UROS: variants seen among roughly 807,000 people sequenced by gnomAD.
UROS encodes the protein uroporphyrinogen III synthase, also known as uroporphyrinogen-III synthase.
UROS carries 18 observed loss-of-function variants against 33.0 expected under a neutral mutation model. The observed-to-expected ratio is 0.55, with a 90% confidence interval of 0.38 to 0.81. The LOEUF (loss-of-function observed/expected upper bound fraction) is 0.81. Among genes scored for constraint, UROS ranks in the 30% least tolerant of loss-of-function variants. The pLI, the probability that UROS is intolerant of heterozygous loss-of-function variation, is 0.00. For missense variants in UROS, 293 were observed against 314.9 expected (o/e 0.93, Z 0.53); for synonymous variants, 114 against 121.1 (o/e 0.94, Z 0.38).
intron 4 of UROS, 127 bp downstream of exon 4, chr10:125,814,907 C>G: frequency 9.4e-7 from 1 of 1,069,068 alleles, no homozygotes; most frequent in Non-Finnish European, 1.4e-6. Flanking sequence ...AAGGCAGAGT[C>G]TGTGACCTGA....
At chr10:125,820,298 G>A (rs1853760702) in intron 1 of UROS, among the ~76,000 whole-genome samples, 1 of 152,188 alleles carries the variant, frequency 6.6e-6, no homozygotes, top group Non-Finnish European at 1.5e-5. Flanking sequence ...GAAGGCCTGA[G>A]AGCCAAGGGT....
downstream of UROS, among the ~76,000 whole-genome samples, chr10:125,787,743 C>A (rs2133794171): frequency 6.6e-6 from 1 of 152,292 alleles, no homozygotes; most frequent in South Asian, 2.1e-4. Context: ...ATGGAACCAT[C>A]ACCATAATCC....
chr10:125,795,258 C>A, intron 8 of UROS: 1 of 478,574 alleles, frequency 2.1e-6, no homozygotes, highest in South Asian at 2.0e-5. Context: ...ATGTGCCCAG[C>A]AGCCTAGACA....
chr10:125,809,954 C>T (rs1292621863), intron 5 of UROS, among the ~76,000 whole-genome samples: 2 of 152,220 alleles, frequency 1.3e-5, no homozygotes, highest in African/African-American at 4.8e-5. Context: ...CTGGCATCTT[C>T]TCTCACTGGA....
chr10:125,819,797 G>A (rs1853693978), intron 1 of UROS: 1 of 152,610 alleles, frequency 6.6e-6, no homozygotes, highest in African/African-American at 2.4e-5. Flanking sequence ...TTCCCATTGA[G>A]GGGGAAAAAG....
intron 7 of UROS, among the ~76,000 whole-genome samples, chr10:125,796,606 T>C (rs1453219076): frequency 6.6e-6 from 1 of 152,212 alleles, no homozygotes; most frequent in Admixed American, 6.5e-5. Context: ...GATCCCCGGC[T>C]GCACTCCAGC....
chr10:125,795,827 G>T, intron 8 of UROS, among the ~76,000 whole-genome samples: 1 of 152,192 alleles, frequency 6.6e-6, no homozygotes, highest in East Asian at 1.9e-4. Context: ...TCTCCAAAGA[G>T]GGAGATTTCA....
intron 1 of UROS, among the ~76,000 whole-genome samples, chr10:125,818,751 T>C (rs1235063212): frequency 6.6e-6 from 1 of 152,146 alleles, no homozygotes; most frequent in Non-Finnish European, 1.5e-5. Flanking sequence ...TCCTGTACAT[T>C]GGAAAGGGGC....
chr10:125,815,130 G>A lies in UROS; in HGVS notation c.148C>T (p.Leu50Phe), dbSNP rs1590001317. 6.2e-7 allele frequency: 1 copy of A among 1,614,128 alleles called. No individual in the cohort carries two copies. Among genetic ancestry groups the A allele is most frequent in the East Asian group, 2.2e-5 (1 of 44,892 alleles). The change falls in exon 4 of 10, where the codon CTT becomes TTT. Residue 50 changes from leucine (L) to phenylalanine (F), a missense_variant and splice_region_variant. Physicochemically the swap from Leu to Phe is conservative, Grantham distance 22. Transcript: ENST00000368797. ...FLSLPSFSEK[L>F]SHPEDYGGLI... ...CCCCCGTAATCTTCAGGATGAGAAA[G>A]CTGCACACCAAAAAGCAATAAAGAC... is the stretch of plus-strand genomic sequence containing the variant.
chr10:125,809,471 T>C (rs1206870050), intron 5 of UROS, among the ~76,000 whole-genome samples: 1 of 152,254 alleles, frequency 6.6e-6, no homozygotes, highest in Non-Finnish European at 1.5e-5. Flanking sequence ...GGAGATTTTA[T>C]GTAGACCAAG....
chr10:125,822,422 A>G (rs555228418), intron 1 of UROS, among the ~76,000 whole-genome samples: 20 of 151,656 alleles, frequency 1.3e-4, no homozygotes, highest in African/African-American at 3.4e-4. Flanking sequence ...TCCTGGGGGC[A>G]TGCGATTCTC....
At chr10:125,807,090 T>G (rs191556468) in intron 6 of UROS, 4 of 362,152 alleles carry the variant, frequency 1.1e-5, no homozygotes, top group Non-Finnish European at 2.1e-5. Flanking sequence ...AAGGGGAGAG[T>G]ACCCACTCAC....
At chr10:125,786,759 G>T (rs916050316), downstream of UROS, among the ~76,000 whole-genome samples, 2 of 152,214 alleles carry the variant, frequency 1.3e-5, no homozygotes, top group African/African-American at 4.8e-5. Context: ...TCCCGTGGGA[G>T]GGTGAGCAGA....
intron 6 of UROS, chr10:125,802,651 C>A (rs554591152): frequency 2.5e-6 from 3 of 1,193,882 alleles, no homozygotes; most frequent in East Asian, 9.4e-5. Context: ...ATTACAGTCT[C>A]CTGAACTGTA....
At chr10:125,809,057 C>A (rs1224022923) in intron 5 of UROS, among the ~76,000 whole-genome samples, 2 of 152,250 alleles carry the variant, frequency 1.3e-5, no homozygotes, top group African/African-American at 4.8e-5. Context: ...GGTTAAGACA[C>A]TGACTGCCAC....
intron 7 of UROS, 136 bp from the exon 8 acceptor site, chr10:125,796,324 GC>G: frequency 2.3e-6 from 2 of 870,580 alleles, no homozygotes; most frequent in African/African-American, 1.6e-5. Flanking sequence ...AAGCTGAGAG[GC>G]CAGACTCAGC....
chr10:125,802,262 G>A (rs1186219603), intron 6 of UROS: 3 of 985,500 alleles, frequency 3.0e-6, no homozygotes, highest in South Asian at 4.7e-5. Flanking sequence ...GCGATCCCAT[G>A]GGGCTGGGGC....
intron 7 of UROS, chr10:125,796,715 G>A (rs544830348): frequency 1.9e-4 from 168 of 876,024 alleles, no homozygotes; most frequent in Non-Finnish European, 2.2e-4. Context: ...TCCTCCCTGT[G>A]CCATTCAGCG....
intron 9 of UROS, among the ~76,000 whole-genome samples, chr10:125,790,576 A>T (rs1850849974): frequency 6.6e-6 from 1 of 152,196 alleles, no homozygotes. Context: ...TGGGAGGCCG[A>T]GGTGGGCAGA....
Sources: gnomAD v4.1 joint callset for allele counts (sites outside exome capture counted in the v4.1 genomes callset) on GRCh38, gnomAD v4.1.1 for gene constraint, MANE v1.5 for transcripts, NCBI Gene and HGNC (gene_info 2026-07-23, HGNC 2026-07-21) for gene names.